Variants in BMERB1 observed in about 807,000 individuals in gnomAD.
The protein encoded by BMERB1 is bMERB domain containing 1.
A neutral mutation model predicts 23.6 loss-of-function variants in BMERB1; 12 were observed. The ratio of observed to expected loss-of-function variants is 0.51; its 90% CI spans 0.33 to 0.82. BMERB1 has a LOEUF of 0.82. Among genes scored for constraint, BMERB1 ranks in the 40% least tolerant of loss-of-function variants. BMERB1 has a pLI of 0.03. For missense variants in BMERB1, 247 were observed against 255.4 expected, an observed-to-expected ratio of 0.97 and a Z score of 0.22; for synonymous variants, 122 against 96.6, an observed-to-expected ratio of 1.26 and a Z score of -1.54.
intron 2 of BMERB1, among the ~76,000 whole-genome samples, chr16:15,519,717 G>GA (rs2051826267): frequency 6.6e-6 from 1 of 152,098 alleles, no homozygotes; most frequent in African/African-American, 2.4e-5. Context: ...GTCCGGGGGG[G>GA]ACTGCCTGCC....
At chr16:15,485,273 G>T (rs1348660993) in intron 1 of BMERB1, among the ~76,000 whole-genome samples, 1 of 152,090 alleles carries the variant, frequency 6.6e-6, no homozygotes, top group Non-Finnish European at 1.5e-5. Context: ...GTGCTGGATG[G>T]GGCAAAAAAT....
At chr16:15,578,219 TTCTCC>T (rs1441259749) in intron 3 of BMERB1, among the ~76,000 whole-genome samples, 1 of 148,974 alleles carries the variant, frequency 6.7e-6, no homozygotes, top group Non-Finnish European at 1.5e-5. Context: ...GTGTCTTCTC[TTCTCC>T]TCTTTTTTTT....
chr16:15,523,722 A>G (rs1202567075), intron 2 of BMERB1, among the ~76,000 whole-genome samples: 1 of 152,212 alleles, frequency 6.6e-6, no homozygotes, highest in African/African-American at 2.4e-5. Flanking sequence ...AGGGATGAAA[A>G]CAGACACAGG....
intron 1 of BMERB1, among the ~76,000 whole-genome samples, chr16:15,491,042 G>A (rs896248332): frequency 3.9e-5 from 6 of 151,938 alleles, no homozygotes; most frequent in African/African-American, 1.4e-4. Flanking sequence ...TAGAGATGAG[G>A]TCTTGATATA....
chr16:15,473,987 G>A (rs1374819210), intron 1 of BMERB1, among the ~76,000 whole-genome samples: 2 of 151,902 alleles, frequency 1.3e-5, no homozygotes, highest in East Asian at 3.9e-4. Context: ...GGGCGTGGTG[G>A]CAGGTGCCTA....
At chr16:15,470,823 C>CTT in intron 1 of BMERB1, among the ~76,000 whole-genome samples, 1 of 128,438 alleles carries the variant, frequency 7.8e-6, no homozygotes, top group Non-Finnish European at 1.6e-5. Flanking sequence ...CGCACCTGGC[C>CTT]TCTTTTTTTT....
At chr16:15,517,543 A>G (rs1049239582) in intron 2 of BMERB1, among the ~76,000 whole-genome samples, 7 of 152,040 alleles carry the variant, frequency 4.6e-5, no homozygotes, top group Non-Finnish European at 7.4e-5. Flanking sequence ...GACAGAGAAC[A>G]TGAGTCTTGC....
chr16:15,551,311 A>G (rs1034849343), intron 2 of BMERB1, among the ~76,000 whole-genome samples: 1 of 152,236 alleles, frequency 6.6e-6, no homozygotes, highest in Non-Finnish European at 1.5e-5. Context: ...ATTTACTGCA[A>G]TGTATCAGGG....
intron 1 of BMERB1, among the ~76,000 whole-genome samples, chr16:15,488,190 C>T (rs2051383790): frequency 6.6e-6 from 1 of 152,148 alleles, no homozygotes; most frequent in African/African-American, 2.4e-5. Context: ...ATCAACAGTA[C>T]CTAAACAAAT....
At chr16:15,517,672 C>A (rs1456124989) in intron 2 of BMERB1, among the ~76,000 whole-genome samples, 2 of 125,346 alleles carry the variant, frequency 1.6e-5, no homozygotes, top group African/African-American at 6.8e-5. Flanking sequence ...TTTTATTTAC[C>A]TAATGGTGCT....
intron 1 of BMERB1, among the ~76,000 whole-genome samples, chr16:15,512,676 C>G (rs1029198432): frequency 6.6e-6 from 1 of 152,072 alleles, no homozygotes; most frequent in African/African-American, 2.4e-5. Context: ...GTCAGGAGTT[C>G]AAGACCAGCC....
intron 1 of BMERB1, among the ~76,000 whole-genome samples, chr16:15,453,574 C>T (rs566648335): frequency 1.3e-5 from 2 of 152,004 alleles, no homozygotes; most frequent in East Asian, 3.9e-4. Flanking sequence ...AGAGTGAGAC[C>T]CTGTTCTAAA....
At chr16:15,538,110 A>G (rs2052042567) in intron 2 of BMERB1, among the ~76,000 whole-genome samples, 1 of 152,204 alleles carries the variant, frequency 6.6e-6, no homozygotes, top group African/African-American at 2.4e-5. Flanking sequence ...TTGAGTCGAT[A>G]GGAGGCTTCC....
chr16:15,446,683 A>G (rs918748255), intron 1 of BMERB1, among the ~76,000 whole-genome samples: 3 of 152,224 alleles, frequency 2.0e-5, no homozygotes, highest in Non-Finnish European at 2.9e-5. Flanking sequence ...TCCCAGGATT[A>G]GTTGAAGCTG....
chr16:15,442,305 G>A (rs1386145312), intron 1 of BMERB1, among the ~76,000 whole-genome samples: 2 of 151,784 alleles, frequency 1.3e-5, no homozygotes, highest in East Asian at 3.9e-4. Context: ...ACTCCAGCCT[G>A]GGCGACAGAG....
chr16:15,552,448 AAAG>A (rs758792516), intron 2 of BMERB1, among the ~76,000 whole-genome samples: 62 of 151,926 alleles, frequency 4.1e-4, no homozygotes, highest in South Asian at 1.7e-3. Flanking sequence ...TCAAAAAAAA[AAAG>A]AAGAAGAAGA....
At chr16:15,541,275 G>A (rs2052076381) in intron 2 of BMERB1, among the ~76,000 whole-genome samples, 1 of 152,008 alleles carries the variant, frequency 6.6e-6, no homozygotes, top group South Asian at 2.1e-4. Context: ...TGCCCTCTCT[G>A]GGTGCACTGC....
At chr16:15,561,435 A>C (rs1182560478) in intron 2 of BMERB1, among the ~76,000 whole-genome samples, 1 of 151,106 alleles carries the variant, frequency 6.6e-6, no homozygotes, top group Non-Finnish European at 1.5e-5. Context: ...CACCTGGCTA[A>C]TTTTTATATT....
chr16:15,577,813 C>G (rs1168228294), intron 3 of BMERB1, among the ~76,000 whole-genome samples: 1 of 152,224 alleles, frequency 6.6e-6, no homozygotes, highest in African/African-American at 2.4e-5. Flanking sequence ...ATGTTTTTCC[C>G]TCACCAGTTG....
Sources: gnomAD v4.1 joint callset for allele counts (sites outside exome capture counted in the v4.1 genomes callset) on GRCh38, gnomAD v4.1.1 for gene constraint, MANE v1.5 for transcripts, NCBI Gene and HGNC (gene_info 2026-07-23, HGNC 2026-07-21) for gene names.